Variants in MBOAT2 observed in about 807,000 individuals in gnomAD.
MBOAT2 encodes membrane bound glycerophospholipid O-acyltransferase 2, also known as membrane-bound glycerophospholipid O-acyltransferase 2.
MBOAT2 carries 28 observed loss-of-function variants against 63.4 expected under a neutral mutation model. The ratio of observed to expected loss-of-function variants is 0.44; its 90% confidence interval spans 0.33 to 0.61. The LOEUF is 0.61. Among genes scored for constraint, MBOAT2 ranks in the 20% least tolerant of loss-of-function variants. The pLI, the probability that MBOAT2 is intolerant of heterozygous loss-of-function variation, is 0.03. For synonymous variants in MBOAT2, 211 were observed against 215.6 expected (o/e 0.98, Z 0.19); for missense variants, 470 against 605.8 (o/e 0.78, Z 2.35).
At chr2:8,925,245 A>G (rs1000263685) in intron 3 of MBOAT2, among the ~76,000 whole-genome samples, 11 of 152,240 alleles carry the variant, frequency 7.2e-5, no homozygotes, top group Non-Finnish European at 1.2e-4. Flanking sequence ...ATTTTAATAA[A>G]GGGTGCTACT....
chr2:8,889,644 C>A (rs1663844044), intron 4 of MBOAT2, among the ~76,000 whole-genome samples: 2 of 152,198 alleles, frequency 1.3e-5, no homozygotes, highest in Admixed American at 1.3e-4. Flanking sequence ...TTTTCTCACA[C>A]TGCCTAATTC....
At chr2:8,866,438 A>C (rs545536214) in intron 9 of MBOAT2, among the ~76,000 whole-genome samples, 3 of 152,306 alleles carry the variant, frequency 2.0e-5, no homozygotes, top group Admixed American at 2.0e-4. Flanking sequence ...TTCAACTTCA[A>C]CAATGATCAA....
chr2:9,001,882 G>C (rs1324667203), intron 1 of MBOAT2, among the ~76,000 whole-genome samples: 1 of 152,088 alleles, frequency 6.6e-6, no homozygotes, highest in African/African-American at 2.4e-5. Context: ...GAGAGAAAAA[G>C]GGAACGTGAA....
At chr2:8,955,281 C>T (rs1477757003) in intron 2 of MBOAT2, among the ~76,000 whole-genome samples, 1 of 152,208 alleles carries the variant, frequency 6.6e-6, no homozygotes. Context: ...CTGTCCTTCA[C>T]AGCGTCTCCA....
intron 4 of MBOAT2, among the ~76,000 whole-genome samples, chr2:8,899,748 CA>C (rs1185725563): frequency 6.6e-6 from 1 of 152,220 alleles, no homozygotes; most frequent in Admixed American, 6.5e-5. Context: ...TGGCCTGCTC[CA>C]TTTTCTGTCC....
intron 8 of MBOAT2, among the ~76,000 whole-genome samples, chr2:8,870,131 T>C (rs1002997358): frequency 2.0e-5 from 3 of 152,230 alleles, no homozygotes; most frequent in Non-Finnish European, 4.4e-5. Context: ...AACTGACCAT[T>C]AACATCAATT....
Position 8,912,329 on chromosome 2 carries a change from A to AAGAAAGAAAGAAAGAAAGAAAG in MBOAT2, c.300-3635_300-3614dup, listed in dbSNP as rs1665787276. Among the ~76,000 whole-genome samples, 3 of 100,270 alleles carry AAGAAAGAAAGAAAGAAAGAAAG rather than the reference A, an allele frequency of 3.0e-5. No homozygotes were observed. In the South Asian group the frequency reaches 9.6e-4, roughly 32 times the overall value. The allele number at this position is 100,270 out of a possible 152,430, so 65.8% of individuals were successfully genotyped here. On this transcript the variant is annotated intron_variant, in intron 3 of 12. Transcript: ENST00000305997. ...AAAGAAAGAAAGAAAGAAAGAAAGA[A>AAGAAAGAAAGAAAGAAAGAAAG]AGAAAGAAAGAAAGAAAGAAAGAGA...
chr2:8,945,030 G>A (rs1228668683), intron 2 of MBOAT2, among the ~76,000 whole-genome samples: 1 of 152,034 alleles, frequency 6.6e-6, no homozygotes, highest in Non-Finnish European at 1.5e-5. Flanking sequence ...GAAATATGAG[G>A]GATATATCAT....
chr2:8,962,248 G>A (rs1292851465), intron 1 of MBOAT2, among the ~76,000 whole-genome samples: 1 of 151,950 alleles, frequency 6.6e-6, no homozygotes, highest in Non-Finnish European at 1.5e-5. Flanking sequence ...TACAAATCAG[G>A]TAGTCTAGAT....
At chr2:8,944,761 T>C (rs1668295737) in intron 2 of MBOAT2, among the ~76,000 whole-genome samples, 1 of 151,412 alleles carries the variant, frequency 6.6e-6, no homozygotes, top group South Asian at 2.1e-4. Flanking sequence ...TAAAAGGAAA[T>C]AGAAGAAAGC....
intron 3 of MBOAT2, among the ~76,000 whole-genome samples, chr2:8,938,020 C>T (rs1306472817): frequency 6.6e-6 from 1 of 152,170 alleles, no homozygotes; most frequent in Non-Finnish European, 1.5e-5. Context: ...ACAGATTGCA[C>T]CTACCCTGGG....
intron 1 of MBOAT2, among the ~76,000 whole-genome samples, chr2:8,988,018 G>A (rs1191428770): frequency 6.6e-6 from 1 of 152,110 alleles, no homozygotes; most frequent in Non-Finnish European, 1.5e-5. Flanking sequence ...AAACACAAAT[G>A]AAATTAGAAA....
At chr2:8,981,628 T>C (rs1042564297) in intron 1 of MBOAT2, among the ~76,000 whole-genome samples, 3 of 149,318 alleles carry the variant, frequency 2.0e-5, no homozygotes, top group Non-Finnish European at 4.4e-5. Context: ...GGGCCAACAC[T>C]CAAAGAAAAG....
chr2:8,863,617 CTT>C, intron 10 of MBOAT2, among the ~76,000 whole-genome samples: 1 of 152,294 alleles, frequency 6.6e-6, no homozygotes, highest in Non-Finnish European at 1.5e-5. Context: ...GCTGTTCCTG[CTT>C]TCTCTCTCCT....
At chr2:8,958,978 G>C (rs1669425730) in intron 1 of MBOAT2, among the ~76,000 whole-genome samples, 1 of 152,204 alleles carries the variant, frequency 6.6e-6, no homozygotes, top group African/African-American at 2.4e-5. Context: ...TTAAAGGGAA[G>C]AGAAACGTGT....
chr2:8,939,781 A>G (rs116524565), intron 3 of MBOAT2, among the ~76,000 whole-genome samples: 296 of 152,298 alleles, frequency 1.9e-3, no homozygotes, highest in African/African-American at 6.7e-3. Context: ...AACGGTTCTA[A>G]AACATCACAT....
chr2:8,931,240 A>G (rs1170340122), intron 3 of MBOAT2, among the ~76,000 whole-genome samples: 1 of 152,166 alleles, frequency 6.6e-6, no homozygotes, highest in Non-Finnish European at 1.5e-5. Flanking sequence ...GTGAGATGGT[A>G]TCTCATTTTG....
chr2:8,956,693 T>C (rs568991095), intron 2 of MBOAT2, among the ~76,000 whole-genome samples: 50 of 152,306 alleles, frequency 3.3e-4, no homozygotes, highest in Middle Eastern at 3.4e-3. Context: ...TGAGACCTTG[T>C]CTTAAAAAAT....
At chr2:8,974,563 G>A (rs1039457439) in intron 1 of MBOAT2, 16 of 360,552 alleles carry the variant, frequency 4.4e-5, no homozygotes, top group African/African-American at 2.3e-4. Context: ...GGTAACAGAC[G>A]TCTCCAGCGG....
Sources: allele counts gnomAD v4.1 joint callset (sites outside exome capture counted in the v4.1 genomes callset), GRCh38; gene constraint gnomAD v4.1.1; transcripts MANE v1.5; gene names NCBI Gene and HGNC (gene_info 2026-07-23, HGNC 2026-07-21).